COL4A3: variants seen among roughly 807,000 people sequenced by gnomAD.
COL4A3 encodes the protein collagen alpha-3(IV) chain.
Under a neutral mutation model 217.4 loss-of-function variants are expected in COL4A3, and 135 were observed. That is an observed-to-expected ratio of 0.62 (90% confidence interval 0.54 to 0.72). The LOEUF (loss-of-function observed/expected upper bound fraction) is 0.72, where lower values mean the gene tolerates loss of function less well. Among genes scored for constraint, COL4A3 ranks in the 30% least tolerant of loss-of-function variants. COL4A3 has a pLI of 0.00. For missense variants in COL4A3, 1,868 were observed against 2,119.9 expected, an observed-to-expected ratio of 0.88 and a Z score of 2.33; for synonymous variants, 690 against 736.3, an observed-to-expected ratio of 0.94 and a Z score of 1.02.
Position 227,253,620 on chromosome 2 carries a change from T to A in COL4A3, c.747T>A (p.Thr249=), listed in dbSNP as rs1054483753. The A allele has an allele frequency of 1.2e-6, 2 of 1,613,922 alleles. No homozygotes were observed. The highest frequency in any genetic ancestry group is 1.3e-5 in the African/African-American group (1 of 74,910). The change falls in exon 13 of 52, where the codon ACT becomes ACA. Residue 249 remains threonine, a synonymous_variant. Transcript: ENST00000396578. This position sits in a 1 kb window ranked among gnomAD's most constrained non-coding sequence, Gnocchi z 4.4. ...GPPGTVIVTL[T]GPDNRTDLKG... ...CAGGAACAGTTATTGTGACCCTAAC[T>A]GGCCCAGATAACAGAACGGTAACTC...
At chr2:227,260,056 G>A (rs766987983) in intron 19 of COL4A3, 179 bp downstream of exon 19, 1 of 752,926 alleles carries the variant, frequency 1.3e-6, no homozygotes, top group South Asian at 1.4e-5. Flanking sequence ...TATTTCATAG[G>A]TTGTATACCA....
At chr2:227,283,121 T>G (rs1289392642) in intron 32 of COL4A3, among the ~76,000 whole-genome samples, 1 of 152,220 alleles carries the variant, frequency 6.6e-6, no homozygotes, top group African/African-American at 2.4e-5. Context: ...AACTTGTCCA[T>G]TTTTATAAGT....
chr2:227,284,369 C>T, intron 34 of COL4A3, 24 bp downstream of exon 34: 1 of 1,608,696 alleles, frequency 6.2e-7, no homozygotes, highest in South Asian at 1.1e-5. Flanking sequence ...TGTTTGGAAT[C>T]AGGACATCAG....
Position 227,191,109 on chromosome 2 carries a change from C to T in COL4A3, c.87+26296C>T, listed in dbSNP as rs747517072. On this transcript the variant is annotated intron_variant, in intron 1 of 51. Coordinates refer to ENST00000396578, the MANE Select transcript of COL4A3 (RefSeq NM_000091.5). This position sits in a 1 kb window ranked among gnomAD's most constrained non-coding sequence, Gnocchi z 6.8. ...TTAAAAATAGACTACATAAATAATACGTATATGGCCATGGAAACAATTTTT... is the reference window on the plus strand; with the variant it reads ...TTAAAAATAGACTACATAAATAATATGTATATGGCCATGGAAACAATTTTT... 7.2e-5 allele frequency among the ~76,000 whole-genome samples: 11 copies of T among 152,052 alleles called. No homozygotes were observed. Among genetic ancestry groups the T allele is most frequent in the South Asian group, 4.2e-4 (2 of 4,806 alleles).
intron 11 of COL4A3, 114 bp downstream of exon 11, chr2:227,251,485 G>A (rs1228533176): frequency 3.7e-5 from 36 of 962,426 alleles, no homozygotes; most frequent in Non-Finnish European, 5.6e-5. Context: ...GAACTCACAA[G>A]GATCCCTAGC....
intron 1 of COL4A3, among the ~76,000 whole-genome samples, chr2:227,227,270 C>T (rs1488973754): frequency 1.3e-5 from 2 of 152,176 alleles, no homozygotes; most frequent in Admixed American, 6.5e-5. Flanking sequence ...ACCCCTCCTC[C>T]CCCAGTGCCT....
intron 46 of COL4A3, 106 bp downstream of exon 46, chr2:227,304,250 C>A: frequency 6.9e-7 from 1 of 1,448,224 alleles, no homozygotes; most frequent in Non-Finnish European, 9.6e-7. Context: ...AAATGTTGAA[C>A]ATGATAGTGG....
chr2:227,210,057 T>G (rs927860621), intron 1 of COL4A3, among the ~76,000 whole-genome samples: 1 of 152,204 alleles, frequency 6.6e-6, no homozygotes, highest in Admixed American at 6.5e-5. Flanking sequence ...TGAGTTCCTG[T>G]AAGTAAAGTT....
rs1418676447 is a variant in COL4A3 at position 227,314,122 on chromosome 2, G to A, written c.*2252G>A. The A allele has an allele frequency of 1.3e-5, 2 of 152,566 alleles. No individual in the cohort carries two copies. The highest frequency in any genetic ancestry group is 2.9e-5 in the Non-Finnish European group (2 of 68,042). The allele number at this position is 152,566 out of a possible 1,614,324, so 9.5% of individuals were successfully genotyped here. On this transcript the variant is annotated 3_prime_UTR_variant, in exon 52 of 52. Transcript: ENST00000396578. ...CTCTTTTTAAAGTTCAAACTCACAG[G>A]TGACTCTAAGGTTATCTACTTTTAC...
intron 20 of COL4A3, among the ~76,000 whole-genome samples, chr2:227,262,098 A>G (rs1016917042): frequency 2.0e-5 from 3 of 152,192 alleles, no homozygotes; most frequent in Non-Finnish European, 4.4e-5. Context: ...AGCAGACTGC[A>G]GAACTATAAG....
intron 14 of COL4A3, 118 bp downstream of exon 14, chr2:227,254,292 G>C: frequency 2.3e-6 from 2 of 868,864 alleles, no homozygotes; most frequent in South Asian, 1.5e-5. Context: ...AGGAATAAAA[G>C]AATGGCTACT....
intron 6 of COL4A3, 76 bp from the exon 7 acceptor site, chr2:227,246,609 C>T (rs183877521): frequency 3.1e-5 from 38 of 1,222,240 alleles, no homozygotes; most frequent in East Asian, 1.4e-4. Flanking sequence ...AGGTTGGAAG[C>T]GAGAAACAGG....
In COL4A3 at chr2:227,203,244, CATATATGTATATATACATATATGTGT is replaced by C. The variant is rs1251629933; in HGVS notation, c.88-34715_88-34690del. Reference sequence around the variant, plus strand: ...ATATGTGTATATATGTGTATATATACATATATGTATATATACATATATGTGTATATATGTGTATATATACATATATG... The same window carrying C: ...ATATGTGTATATATGTGTATATATACATATATGTGTATATATACATATATG... On this transcript the variant is annotated intron_variant, in intron 1 of 51. Coordinates refer to ENST00000396578, the MANE Select transcript of COL4A3 (RefSeq NM_000091.5). Among the ~76,000 whole-genome samples the C allele has an allele frequency of 7.2e-4, 12 of 16,682 alleles. 4 individuals are homozygous for C. In the East Asian group the frequency reaches 0.017, roughly 24 times the overall value. The allele number at this position is 16,682 out of a possible 152,430, so 10.9% of individuals were successfully genotyped here.
chr2:227,311,354 G>C (rs2106296281), intron 51 of COL4A3, among the ~76,000 whole-genome samples: 1 of 149,542 alleles, frequency 6.7e-6, no homozygotes. Context: ...AAGAGAAATA[G>C]TCCATTAATA....
chr2:227,283,738 T>C (rs762469910), intron 32 of COL4A3, 29 bp from the exon 33 acceptor site: 1 of 1,579,442 alleles, frequency 6.3e-7, no homozygotes, highest in Non-Finnish European at 8.7e-7. Flanking sequence ...GTACAACACG[T>C]GCTGCTTTGT....
In COL4A3 at chr2:227,260,131, G is replaced by T. The variant is rs1423781269; in HGVS notation, c.1114+254G>T. On this transcript the variant is annotated intron_variant, in intron 19 of 51. Transcript: ENST00000396578. ...GTTCAAATCTGTCATGGAAACATTT[G>T]CTGGAGGGCAGGAGGAGGGAGTGCA... 17 of 639,610 alleles carry T rather than the reference G, an allele frequency of 2.7e-5. No homozygotes were observed. In the East Asian group the frequency reaches 5.2e-4, roughly 19 times the overall value. 39.6% of individuals were successfully genotyped at this position (639,610 alleles called of 1,614,324 possible).
intron 1 of COL4A3, among the ~76,000 whole-genome samples, chr2:227,189,390 G>A (rs2066147841): frequency 6.6e-6 from 1 of 152,134 alleles, no homozygotes; most frequent in Non-Finnish European, 1.5e-5. Flanking sequence ...GTGAGACAAG[G>A]AGGTGGCCAA....
intron 7 of COL4A3, 63 bp from the exon 8 acceptor site, chr2:227,247,495 G>T: frequency 6.6e-7 from 1 of 1,507,122 alleles, no homozygotes; most frequent in South Asian, 1.1e-5. Flanking sequence ...GGGCAGAGCA[G>T]ACCGAGTAGG....
At chr2:227,237,586 T>C (rs13383747) in intron 1 of COL4A3, among the ~76,000 whole-genome samples, 48,536 of 152,058 alleles carry the variant, frequency 0.32, 8,207 homozygotes, top group Non-Finnish European at 0.36. Context: ...ACAGCAGCAA[T>C]TTCTTATGAT....
Sources: gnomAD v4.1 joint callset for allele counts (sites outside exome capture counted in the v4.1 genomes callset) on GRCh38, gnomAD v4.1.1 for gene constraint, Gnocchi (gnomAD v3.1) non-coding constraint, MANE v1.5 for transcripts, NCBI Gene and HGNC (gene_info 2026-07-23, HGNC 2026-07-21) for gene names.